Variants in ROR1 observed in about 807,000 individuals in gnomAD.
ROR1 encodes ROR family WNT receptor 1.
ROR1 carries 19 observed loss-of-function variants against 78.8 expected under a neutral mutation model. The observed-to-expected ratio is 0.24, with a 90% CI of 0.17 to 0.35. ROR1 has a LOEUF of 0.35. ROR1 is among the 10% of genes least tolerant of loss of function. The pLI, the probability that ROR1 is intolerant of heterozygous loss-of-function variation, is 1.00. For synonymous variants in ROR1, 386 were observed against 433.6 expected (o/e 0.89, Z 1.36); for missense variants, 917 against 1,177.8 (o/e 0.78, Z 3.24).
intron 1 of ROR1, among the ~76,000 whole-genome samples, chr1:63,777,377 C>G (rs1644623880): frequency 1.3e-5 from 2 of 152,222 alleles, no homozygotes; most frequent in South Asian, 2.1e-4. Flanking sequence ...GGTGAAAACA[C>G]TGAGAGCCCA....
intron 2 of ROR1, 44 bp from the exon 3 acceptor site, chr1:64,049,647 C>A: frequency 2.5e-6 from 4 of 1,573,468 alleles, no homozygotes; most frequent in Non-Finnish European, 3.5e-6. Context: ...GAAGCCCTCT[C>A]AAGCTGTCTG....
intron 1 of ROR1, 62 bp from the exon 2 acceptor site, chr1:64,009,243 C>CT: frequency 8.1e-7 from 1 of 1,235,900 alleles, no homozygotes; most frequent in Non-Finnish European, 1.2e-6. Context: ...TTCTAACAGC[C>CT]TATAAATTAC....
chr1:63,803,583 A>T (rs1391379837), intron 1 of ROR1, among the ~76,000 whole-genome samples: 1 of 152,190 alleles, frequency 6.6e-6, no homozygotes, highest in Non-Finnish European at 1.5e-5. Flanking sequence ...TGACCTCGTG[A>T]TCTACCCGCC....
chr1:64,148,173 C>G (rs954962569), intron 7 of ROR1, among the ~76,000 whole-genome samples: 1 of 152,124 alleles, frequency 6.6e-6, no homozygotes, highest in Non-Finnish European at 1.5e-5. Context: ...ATAGTTCTAT[C>G]CCCCTAGGAG....
chr1:64,054,126 G>A (rs953381600), intron 4 of ROR1, among the ~76,000 whole-genome samples: 6 of 151,930 alleles, frequency 3.9e-5, no homozygotes, highest in African/African-American at 1.5e-4. Context: ...GCAAATTTTT[G>A]TATGTTTTAC....
At chr1:63,958,357 T>A (rs2100481148) in intron 1 of ROR1, among the ~76,000 whole-genome samples, 1 of 152,286 alleles carries the variant, frequency 6.6e-6, no homozygotes, top group African/African-American at 2.4e-5. Context: ...AATCCTTTGC[T>A]TAACAATTTG....
chr1:64,122,534 C>T (rs1437013690), intron 4 of ROR1, among the ~76,000 whole-genome samples: 1 of 152,194 alleles, frequency 6.6e-6, no homozygotes. Context: ...TAAGACAGGG[C>T]GTTCTGCCTT....
intron 4 of ROR1, among the ~76,000 whole-genome samples, chr1:64,065,979 T>C (rs562083353): frequency 5.9e-5 from 9 of 152,306 alleles, no homozygotes; most frequent in South Asian, 4.1e-4. Flanking sequence ...CTCCTAGAAC[T>C]TGAACAATGG....
rs757301104 is a variant in ROR1, at chr1:64,177,445, A to C, written c.1404A>C (p.Leu468=). 6.2e-7 allele frequency: 1 copy of C among 1,613,522 alleles called. No individual in the cohort carries two copies. The highest frequency in any genetic ancestry group is 1.1e-5 in the South Asian group (1 of 90,988). ...AYKPKSKAKE[L]PLSAVRFMEE... Reference sequence around the variant, plus strand: ...TCATACAGAGCAAGGCTAAAGAGCTACCTCTTTCTGCTGTACGCTTTATGG... The same window carrying C: ...TCATACAGAGCAAGGCTAAAGAGCTCCCTCTTTCTGCTGTACGCTTTATGG... Residue 468 remains leucine, a synonymous_variant, in exon 9 of 9, where the codon CTA becomes CTC. Transcript: ENST00000371079.
chr1:64,172,630 G>T (rs1650271859), intron 8 of ROR1, among the ~76,000 whole-genome samples: 1 of 152,060 alleles, frequency 6.6e-6, no homozygotes. Context: ...GTTTACTTTG[G>T]CACCATGCCT....
intron 7 of ROR1, among the ~76,000 whole-genome samples, chr1:64,149,103 C>T (rs1649552555): frequency 6.6e-6 from 1 of 152,200 alleles, no homozygotes; most frequent in African/African-American, 2.4e-5. Flanking sequence ...ATGATGACTA[C>T]TGCTTGTTGA....
At chr1:64,061,748 C>T (rs1337319451) in intron 4 of ROR1, among the ~76,000 whole-genome samples, 1 of 152,146 alleles carries the variant, frequency 6.6e-6, no homozygotes, top group African/African-American at 2.4e-5. Context: ...TTCTCTGGGT[C>T]CCAAGTTTCT....
At chr1:64,145,796 C>T (rs1569851567) in intron 7 of ROR1, among the ~76,000 whole-genome samples, 1 of 152,180 alleles carries the variant, frequency 6.6e-6, no homozygotes, top group Non-Finnish European at 1.5e-5. Flanking sequence ...GCACCTTCCA[C>T]GCACCAGGCA....
intron 2 of ROR1, among the ~76,000 whole-genome samples, chr1:64,015,475 A>G (rs1038373984): frequency 6.6e-6 from 1 of 152,062 alleles, no homozygotes; most frequent in Non-Finnish European, 1.5e-5. Context: ...CTAGCTCAGG[A>G]GTGGTTTGCT....
intron 1 of ROR1, among the ~76,000 whole-genome samples, chr1:63,875,108 T>C (rs1645276612): frequency 6.6e-6 from 1 of 152,140 alleles, no homozygotes; most frequent in Non-Finnish European, 1.5e-5. Flanking sequence ...AGACTTACCA[T>C]TTATGAAATG....
chr1:64,141,109 A>G (rs935005038), intron 6 of ROR1, among the ~76,000 whole-genome samples: 1 of 152,210 alleles, frequency 6.6e-6, no homozygotes, highest in South Asian at 2.1e-4. Flanking sequence ...TAGAACCTAT[A>G]GTGGTGAAGG....
intron 1 of ROR1, among the ~76,000 whole-genome samples, chr1:63,876,280 C>G (rs540075551): frequency 9.9e-5 from 15 of 152,214 alleles, no homozygotes; most frequent in African/African-American, 3.6e-4. Flanking sequence ...AAGCACTGGT[C>G]TATTGATTCA....
chr1:63,789,669 C>G (rs557983683), intron 1 of ROR1, among the ~76,000 whole-genome samples: 10 of 145,488 alleles, frequency 6.9e-5, no homozygotes, highest in African/African-American at 2.3e-4. Context: ...CCCATCCTTC[C>G]TCTCCTTTTT....
intron 1 of ROR1, among the ~76,000 whole-genome samples, chr1:63,995,675 G>A (rs2100526779): frequency 6.6e-6 from 1 of 152,250 alleles, no homozygotes; most frequent in South Asian, 2.1e-4. Context: ...GAGCCTTAGA[G>A]TTCTCATCTG....
Sources: allele counts gnomAD v4.1 joint callset (sites outside exome capture counted in the v4.1 genomes callset), GRCh38; gene constraint gnomAD v4.1.1; transcripts MANE v1.5; gene names NCBI Gene and HGNC (gene_info 2026-07-23, HGNC 2026-07-21).